The following GPR161 variants were observed in gnomAD, a reference collection of about 807,000 sequenced individuals.
GPR161 encodes G-protein coupled receptor RE2.
GPR161 carries 25 observed loss-of-function variants against 39.2 expected under a neutral mutation model. That is an observed-to-expected ratio of 0.64 (90% CI 0.47 to 0.89). The LOEUF is 0.89. Among genes scored for constraint, GPR161 ranks in the 40% least tolerant of loss-of-function variants. GPR161 has a pLI of 0.00. For missense variants in GPR161, 547 were observed against 677.8 expected, an observed-to-expected ratio of 0.81 and a Z score of 2.14; for synonymous variants, 286 against 276.6, an observed-to-expected ratio of 1.03 and a Z score of -0.34.
At chr1:168,107,789 T>C (rs1558116170) in intron 1 of GPR161, among the ~76,000 whole-genome samples, 1 of 152,190 alleles carries the variant, frequency 6.6e-6, no homozygotes, top group Non-Finnish European at 1.5e-5. Context: ...TACACTGAGA[T>C]GCCATTTCTT....
Position 168,097,211 on chromosome 1 carries a change from G to A in GPR161, c.396C>T (p.Pro132=). ...CTGTGATCTTCATGGGGTACACCAT[G>A]GGGTACAGGACAGCATAGTAGCTAG... ...AIDRYYAVLY[P]MVYPMKITGN... is the part of the protein sequence containing the mutation. The change falls in exon 3 of 6, where the codon CCC becomes CCT. Residue 132 remains proline (P), a synonymous_variant. Coordinates refer to ENST00000682931, the MANE Select transcript of GPR161 (RefSeq NM_001375883.1). The A allele has an allele frequency of 6.2e-7, 1 of 1,613,668 alleles. No homozygotes were observed. The highest frequency in any genetic ancestry group is 1.1e-5 in the South Asian group (1 of 91,024).
At chr1:168,086,334 C>T (rs569252310) in intron 5 of GPR161, among the ~76,000 whole-genome samples, 1 of 152,276 alleles carries the variant, frequency 6.6e-6, no homozygotes, top group South Asian at 2.1e-4. Context: ...GATTAGGAGC[C>T]CTAAACTAAA....
At chr1:168,131,994 GT>G (rs1375354704) in intron 1 of GPR161, among the ~76,000 whole-genome samples, 6 of 152,226 alleles carry the variant, frequency 3.9e-5, no homozygotes, top group African/African-American at 1.2e-4. Flanking sequence ...GCCAGGCGCG[GT>G]GACTCAAGCC....
At chr1:168,131,036 T>G (rs1291873738) in intron 1 of GPR161, among the ~76,000 whole-genome samples, 2 of 152,148 alleles carry the variant, frequency 1.3e-5, no homozygotes, top group African/African-American at 4.8e-5. Flanking sequence ...CTCTCTAGGA[T>G]TGAATGAGAT....
chr1:168,094,324 C>T (rs1411502669), intron 3 of GPR161, among the ~76,000 whole-genome samples: 1 of 152,038 alleles, frequency 6.6e-6, no homozygotes, highest in Non-Finnish European at 1.5e-5. Flanking sequence ...TGGACTAATA[C>T]ATTAATCAGT....
At chr1:168,101,083 T>G (rs1256640599) in intron 2 of GPR161, among the ~76,000 whole-genome samples, 1 of 152,086 alleles carries the variant, frequency 6.6e-6, no homozygotes, top group African/African-American at 2.4e-5. Context: ...GATGGACTCT[T>G]TGGGTTCATC....
At chr1:168,123,764 A>G (rs1698387230) in intron 1 of GPR161, among the ~76,000 whole-genome samples, 1 of 152,192 alleles carries the variant, frequency 6.6e-6, no homozygotes. Flanking sequence ...TTGACCATGT[A>G]GTTGGAAGTC....
intron 1 of GPR161, among the ~76,000 whole-genome samples, chr1:168,107,104 A>T (rs536150934): frequency 6.6e-6 from 1 of 152,228 alleles, no homozygotes; most frequent in Non-Finnish European, 1.5e-5. Flanking sequence ...TAAAAAAAGA[A>T]AGAAAATAGA....
chr1:168,124,014 G>A (rs1476365587), intron 1 of GPR161, among the ~76,000 whole-genome samples: 1 of 152,220 alleles, frequency 6.6e-6, no homozygotes, highest in Non-Finnish European at 1.5e-5. Context: ...AGTGAGAAGA[G>A]AGGAGCTGAG....
chr1:168,121,802 G>A (rs1265481906), intron 1 of GPR161, among the ~76,000 whole-genome samples: 1 of 152,196 alleles, frequency 6.6e-6, no homozygotes, highest in Non-Finnish European at 1.5e-5. Context: ...TCCCTCCGTG[G>A]GAGAGGGCAG....
rs370552508 is a variant in GPR161 at position 168,096,702 on chromosome 1, G to A, written c.905C>T (p.Ser302Phe). The stretch of plus-strand genomic sequence containing the variant: ...TGTGGCCCAAGTCTCCAGGCTCGGG[G>A]AGACGGAGCTTTTCCCCCAGAGGGC... The part of the protein sequence containing the change: ...SEALWGKSSV[S>F]PSLETWATWL... Residue 302 changes from serine to phenylalanine, a missense_variant, in exon 3 of 6, where the codon TCC becomes TTC. Ser to Phe is a radical substitution (Grantham distance 155). Transcript: ENST00000682931. The A allele has an allele frequency of 1.4e-5, 23 of 1,613,984 alleles. No individual in the cohort carries two copies. Among genetic ancestry groups the A allele is most frequent in the African/African-American group, 2.7e-5 (2 of 74,902 alleles).
intron 1 of GPR161, among the ~76,000 whole-genome samples, chr1:168,121,172 TTGTC>T: frequency 6.6e-6 from 1 of 152,216 alleles, no homozygotes; most frequent in Admixed American, 6.5e-5. Context: ...AACTAAGACT[TTGTC>T]TGGCATTAAT....
intron 1 of GPR161, among the ~76,000 whole-genome samples, chr1:168,105,336 T>G (rs1031233649): frequency 5.3e-5 from 8 of 152,068 alleles, no homozygotes; most frequent in Non-Finnish European, 8.8e-5. Flanking sequence ...TGGGAGACAC[T>G]CTGCAGACTG....
chr1:168,134,811 C>G, intron 1 of GPR161: 1 of 1,111,936 alleles, frequency 9.0e-7, no homozygotes, highest in Non-Finnish European at 1.3e-6. Context: ...TAGCAGCACA[C>G]AGCTCCCACC....
At chr1:168,087,788 C>T (rs1190835682) in intron 4 of GPR161, 84 bp from the exon 5 acceptor site, 1 of 1,365,494 alleles carries the variant, frequency 7.3e-7, no homozygotes, top group African/African-American at 1.6e-5. Flanking sequence ...CCCCTTCCAC[C>T]CCTCTTCTCC....
At position 168,084,963 on chromosome 1, in the gene GPR161, T is replaced by C. The variant is rs1450125935; in HGVS notation, c.*568A>G. Reference sequence around the variant, plus strand: ...CACTGAGGACCGCTCCGAAGCGCTCTGCTCCTGGGTGCTTTCTCTGCGGAC... The same window carrying C: ...CACTGAGGACCGCTCCGAAGCGCTCCGCTCCTGGGTGCTTTCTCTGCGGAC... On this transcript the variant is annotated 3_prime_UTR_variant, in exon 6 of 6. Coordinates refer to ENST00000682931, the MANE Select transcript of GPR161 (RefSeq NM_001375883.1). 1 of 456,324 alleles carries C rather than the reference T, an allele frequency of 2.2e-6. No homozygotes were observed. Among genetic ancestry groups the C allele is most frequent in the Admixed American group, 2.3e-5 (1 of 42,592 alleles). The allele number at this position is 456,324 out of a possible 1,614,324, so 28.3% of individuals were successfully genotyped here.
intron 1 of GPR161, among the ~76,000 whole-genome samples, chr1:168,131,695 G>C (rs1558143462): frequency 6.6e-6 from 1 of 152,092 alleles, no homozygotes; most frequent in African/African-American, 2.4e-5. Flanking sequence ...CAGAAAACTT[G>C]AAAACAAAGA....
intron 1 of GPR161, among the ~76,000 whole-genome samples, chr1:168,111,032 T>C (rs1697128784): frequency 6.6e-6 from 1 of 152,042 alleles, no homozygotes; most frequent in Non-Finnish European, 1.5e-5. Context: ...TGAAAGATGG[T>C]TCCTAGAAGA....
At chr1:168,091,905 G>A (rs1695099835) in intron 3 of GPR161, among the ~76,000 whole-genome samples, 1 of 152,106 alleles carries the variant, frequency 6.6e-6, no homozygotes, top group South Asian at 2.1e-4. Context: ...CTGCCATAAA[G>A]GACACTCTTG....
Sources: allele counts gnomAD v4.1 joint callset (sites outside exome capture counted in the v4.1 genomes callset), GRCh38; gene constraint gnomAD v4.1.1; transcripts MANE v1.5; gene names NCBI Gene and HGNC (gene_info 2026-07-23, HGNC 2026-07-21).